The following DOCK11 variants were observed in gnomAD, a reference collection of about 807,000 sequenced individuals.
DOCK11 encodes dedicator of cytokinesis 11.
A neutral mutation model predicts 169.1 loss-of-function variants in DOCK11; 70 were observed. The ratio of observed to expected loss-of-function variants is 0.41; its 90% CI spans 0.34 to 0.51. DOCK11 has a LOEUF of 0.51. Among genes scored for constraint, DOCK11 ranks in the 20% least tolerant of loss-of-function variants. DOCK11 has a pLI of 0.10. For missense variants in DOCK11, 1,166 were observed against 1,538.8 expected (o/e 0.76, Z 4.05); for synonymous variants, 529 against 541.3 (o/e 0.98, Z 0.32).
intron 30 of DOCK11, among the ~76,000 whole-genome samples, chrX:118,618,073 G>A (rs772373988): frequency 1.8e-5 from 2 of 111,807 alleles, no homozygotes; most frequent in Non-Finnish European, 3.8e-5. Flanking sequence ...TACTAAAACA[G>A]TCAATACTGT....
intron 11 of DOCK11, among the ~76,000 whole-genome samples, 161 bp from the exon 12 acceptor site, chrX:118,573,645 T>C (rs760157305): frequency 8.9e-6 from 1 of 112,039 alleles, no homozygotes; most frequent in South Asian, 3.7e-4. Context: ...CTTTCTTCTG[T>C]GCAGATAAGC....
chrX:118,685,386 C>T, intron 52 of DOCK11: 1 of 202,685 alleles, frequency 4.9e-6, no homozygotes, highest in East Asian at 1.2e-4. Flanking sequence ...TTGTTATGAC[C>T]ATCTGTTAAA....
At chrX:118,497,137 T>G (rs765554580) in intron 1 of DOCK11, among the ~76,000 whole-genome samples, 37 of 112,824 alleles carry the variant, frequency 3.3e-4, no homozygotes, top group Non-Finnish European at 6.7e-4. Flanking sequence ...TTGTTTGTTT[T>G]TGTCTCCCTC....
chrX:118,537,710 C>T lies in DOCK11; in HGVS notation c.103-5015C>T, dbSNP rs572012523. Among the ~76,000 whole-genome samples the T allele has an allele frequency of 1.0e-3, 117 of 111,517 alleles. 1 individual carries two copies. The highest frequency in any genetic ancestry group is 3.2e-3 in the African/African-American group (97 of 30,700). ...ATAAAAGATCAGTCATCCTGTACTGCGAATGTACAGGAACCACCACAAAAT... is the reference window on the plus strand; with the variant it reads ...ATAAAAGATCAGTCATCCTGTACTGTGAATGTACAGGAACCACCACAAAAT... On this transcript the variant is annotated intron_variant, in intron 1 of 52. Transcript: ENST00000276202.
At chrX:118,681,941 T>C (rs931974801) in intron 51 of DOCK11, 147 bp downstream of exon 51, 5 of 386,679 alleles carry the variant, frequency 1.3e-5, no homozygotes, top group Non-Finnish European at 2.2e-5. Flanking sequence ...GACCTCCTAA[T>C]GGCACTTTGA....
chrX:118,671,479 C>T (rs201522740), intron 46 of DOCK11, among the ~76,000 whole-genome samples: 1 of 85,380 alleles, frequency 1.2e-5, no homozygotes, highest in African/African-American at 3.9e-5. Context: ...AACAACATTT[C>T]CCCCATAAAT....
intron 40 of DOCK11, among the ~76,000 whole-genome samples, chrX:118,644,246 G>T (rs2015602429): frequency 8.9e-6 from 1 of 112,040 alleles, no homozygotes; most frequent in African/African-American, 3.2e-5. Context: ...GCACAGTCCA[G>T]ATCTTCCACT....
chrX:118,527,963 G>T (rs1353721740), intron 1 of DOCK11, among the ~76,000 whole-genome samples: 1 of 112,570 alleles, frequency 8.9e-6, no homozygotes, highest in Non-Finnish European at 1.9e-5. Flanking sequence ...TACCCCAAAA[G>T]GTATTGGCTG....
intron 34 of DOCK11, 111 bp downstream of exon 34, chrX:118,628,383 G>A (rs1301047050): frequency 6.6e-6 from 3 of 451,449 alleles, no homozygotes; most frequent in Admixed American, 7.6e-5. Context: ...CTGGCTCTGC[G>A]AAAAGCATCC....
chrX:118,620,235 A>T (rs1489191028), intron 31 of DOCK11, among the ~76,000 whole-genome samples: 2 of 112,209 alleles, frequency 1.8e-5, no homozygotes, highest in Non-Finnish European at 3.8e-5. Context: ...CCACGGTATC[A>T]TAAATCACTC....
chrX:118,519,275 C>T (rs181966475), intron 1 of DOCK11, among the ~76,000 whole-genome samples: 2 of 112,098 alleles, frequency 1.8e-5, no homozygotes, highest in Non-Finnish European at 3.8e-5. Context: ...CAGCTGGGCA[C>T]GGTGGCTCAC....
Position 118,683,108 on chromosome X carries a change from T to A in DOCK11, c.5993T>A (p.Leu1998His). The change falls in exon 52 of 53, where the codon CTT (leucine) becomes CAT (histidine). Residue 1998 changes from leucine (L) to histidine (H), a missense_variant. Transcript: ENST00000276202. ...RKFIQACSIA[L>H]ELNERLIKED... is the part of the protein sequence containing the mutation. ...TTTATACAAGCATGCAGCATTGCACTTGAACTAAATGAGCGGCTAATTAAA... is the reference window on the plus strand; with the variant it reads ...TTTATACAAGCATGCAGCATTGCACATGAACTAAATGAGCGGCTAATTAAA... The A allele has an allele frequency of 5.8e-6, 7 of 1,210,036 alleles. No individual in the cohort carries two copies. The highest frequency in any genetic ancestry group is 7.8e-6 in the Non-Finnish European group (7 of 894,631).
intron 40 of DOCK11, among the ~76,000 whole-genome samples, chrX:118,647,530 A>ATAT (rs2015721002): frequency 1.5e-5 from 1 of 67,305 alleles, no homozygotes; most frequent in East Asian, 4.0e-4. Flanking sequence ...TATATAATAT[A>ATAT]ATATTATATA....
chrX:118,684,509 C>T (rs916097723), intron 52 of DOCK11, among the ~76,000 whole-genome samples: 1 of 108,519 alleles, frequency 9.2e-6, no homozygotes, highest in African/African-American at 3.4e-5. Context: ...CTCCTGACCT[C>T]GTAATCCACC....
Position 118,628,265 on chromosome X carries a change from G to A in DOCK11, c.3767G>A (p.Gly1256Asp), listed in dbSNP as rs2015156209. The A allele has an allele frequency of 8.5e-7, 1 of 1,181,503 alleles. No homozygotes were observed. The highest frequency in any genetic ancestry group is 1.1e-6 in the Non-Finnish European group (1 of 872,907). The change falls in exon 34 of 53, where the codon GGT (glycine) becomes GAT (aspartate). Residue 1256 changes from glycine to aspartate, a missense_variant. Physicochemically the swap from Gly to Asp is moderately conservative, Grantham distance 94. Transcript: ENST00000276202. ...ATGFPDQGNT[G>D]ENTRQSSTRS... The stretch of plus-strand genomic sequence containing the variant: ...GGATTTCCAGATCAGGGCAACACTG[G>A]TGAAAATGTAAGAACTTAAATATAT...
intron 1 of DOCK11, among the ~76,000 whole-genome samples, chrX:118,503,900 G>A (rs1412802001): frequency 8.1e-5 from 9 of 111,290 alleles, no homozygotes; most frequent in Non-Finnish European, 1.1e-4. Flanking sequence ...AATGGGGTGG[G>A]GATGGGAAGT....
chrX:118,583,252 G>A (rs1324665291), intron 14 of DOCK11, among the ~76,000 whole-genome samples: 1 of 110,694 alleles, frequency 9.0e-6, no homozygotes, highest in Non-Finnish European at 1.9e-5. Flanking sequence ...CATGGGGAAG[G>A]GAACATCACA....
intron 10 of DOCK11, among the ~76,000 whole-genome samples, chrX:118,571,386 T>C (rs1327078272): frequency 2.7e-5 from 3 of 109,464 alleles, no homozygotes; most frequent in African/African-American, 1.0e-4. Flanking sequence ...GATCTCACTC[T>C]GTCACCCAGG....
chrX:118,566,023 C>T lies in DOCK11; in HGVS notation c.712C>T (p.His238Tyr). 1.7e-6 allele frequency: 2 copies of T among 1,211,090 alleles called. No individual in the cohort carries two copies. Among genetic ancestry groups the T allele is most frequent in the Non-Finnish European group, 2.2e-6 (2 of 895,249 alleles). The change falls in exon 8 of 53, where the codon CAT (histidine) becomes TAT (tyrosine). Residue 238 changes from histidine to tyrosine, a missense_variant. Physicochemically the swap from His to Tyr is moderately conservative, Grantham distance 83. Transcript: ENST00000276202. ...CCTCTAGTGCCCCAAAATGCGCCGTCATGCTTTTGAACTCAAGATGTTAGA... is the reference window on the plus strand; with the variant it reads ...CCTCTAGTGCCCCAAAATGCGCCGTTATGCTTTTGAACTCAAGATGTTAGA... ...DVVQCPKMRR[H>Y]AFELKMLDKY...
Sources: allele counts gnomAD v4.1 joint callset (sites outside exome capture counted in the v4.1 genomes callset), GRCh38; gene constraint gnomAD v4.1.1; transcripts MANE v1.5; gene names NCBI Gene and HGNC (gene_info 2026-07-23, HGNC 2026-07-21).